The following ADD2 variants were observed in gnomAD, a reference collection of about 807,000 sequenced individuals.
ADD2 encodes beta-adducin.
In ADD2, 23 loss-of-function variants were observed where a neutral mutation model predicts 83.0. The observed-to-expected ratio is 0.28, with a 90% CI of 0.20 to 0.39. The LOEUF (loss-of-function observed/expected upper bound fraction) is 0.39, where lower values mean the gene tolerates loss of function less well. ADD2 is among the 10% of genes least tolerant of loss of function. The pLI is 1.00. For synonymous variants in ADD2, 375 were observed against 375.4 expected, an observed-to-expected ratio of 1.00 and a Z score of 0.01; for missense variants, 758 against 944.9, an observed-to-expected ratio of 0.80 and a Z score of 2.59.
intron 1 of ADD2, among the ~76,000 whole-genome samples, chr2:70,756,246 G>C (rs1466894785): frequency 6.6e-6 from 1 of 152,108 alleles, no homozygotes; most frequent in Non-Finnish European, 1.5e-5. Context: ...ATAGCATGCA[G>C]ACACAGTTCT....
chr2:70,742,417 G>A (rs6761571), intron 1 of ADD2, among the ~76,000 whole-genome samples: 2,539 of 152,126 alleles, frequency 0.017, 71 homozygotes, highest in African/African-American at 0.059. Flanking sequence ...TAAGTTGTAG[G>A]TGTTCTTAGC....
intron 1 of ADD2, among the ~76,000 whole-genome samples, chr2:70,730,447 C>G (rs930722886): frequency 3.3e-5 from 5 of 152,232 alleles, no homozygotes; most frequent in African/African-American, 1.2e-4. Context: ...CATTTACACA[C>G]ACCTGTTATG....
chr2:70,677,826 T>G lies in ADD2; in HGVS notation c.1435A>C (p.Ile479Leu). The G allele has an allele frequency of 6.2e-7, 1 of 1,614,236 alleles. No homozygotes were observed. The highest frequency in any genetic ancestry group is 8.5e-7 in the Non-Finnish European group (1 of 1,180,030). ...EKSSSGMPIR[I>L]ENPNQFVPLY... Reference sequence around the variant, plus strand: ...GGCACAAATTGGTTTGGGTTTTCGATGCGAATCGGCATGCCACTGCTGGAT... The same window carrying G: ...GGCACAAATTGGTTTGGGTTTTCGAGGCGAATCGGCATGCCACTGCTGGAT... Residue 479 changes from isoleucine (I) to leucine (L), a missense_variant, in exon 12 of 16, where the codon ATC becomes CTC. Around this residue, in one of 5 missense-constraint regions of ADD2, gnomAD observed 394 missense variants for 509.3 expected, o/e 0.77. Coordinates refer to ENST00000264436, the MANE Select transcript of ADD2 (RefSeq NM_001617.4).
At chr2:70,726,293 C>A (rs2902578) in intron 1 of ADD2, among the ~76,000 whole-genome samples, 5,474 of 151,948 alleles carry the variant, frequency 0.036, 340 homozygotes, top group African/African-American at 0.12. Context: ...ATCCAGTCAG[C>A]CACAATGCTG....
At position 70,659,940 on chromosome 2, in the gene ADD2, T is replaced by G. The variant is rs1553364744; in HGVS notation, c.*3485A>C. ...CACATTGGTTCAAATGTTACCCTTT[T>G]CTCTGGCACATCCAAGCACAGTAGC... On this transcript the variant is annotated 3_prime_UTR_variant, in exon 16 of 16. Transcript: ENST00000264436. 1 of 152,284 alleles carries G rather than the reference T, an allele frequency of 6.6e-6. No homozygotes were observed. Among genetic ancestry groups the G allele is most frequent in the African/African-American group, 2.4e-5 (1 of 41,442 alleles). The allele number at this position is 152,284 out of a possible 1,614,324, so 9.4% of individuals were successfully genotyped here. A position where few individuals can be genotyped will look rare whatever the true frequency, so the allele number is the denominator to read the frequency against.
At chr2:70,685,781 A>G (rs1553370424) in intron 9 of ADD2, among the ~76,000 whole-genome samples, 4 of 152,122 alleles carry the variant, frequency 2.6e-5, no homozygotes. Context: ...AGAGAGGGAG[A>G]GACTGCCCAC....
intron 4 of ADD2, among the ~76,000 whole-genome samples, chr2:70,703,404 G>A (rs1032512430): frequency 6.6e-6 from 1 of 152,130 alleles, no homozygotes; most frequent in Non-Finnish European, 1.5e-5. Flanking sequence ...TATGGACCAG[G>A]GTAGAGGAAA....
chr2:70,713,869 T>A (rs1672330125), intron 1 of ADD2, among the ~76,000 whole-genome samples: 1 of 151,908 alleles, frequency 6.6e-6, no homozygotes, highest in Non-Finnish European at 1.5e-5. Flanking sequence ...AACTCACAGA[T>A]GCTAATGTGA....
intron 1 of ADD2, among the ~76,000 whole-genome samples, chr2:70,755,252 A>G (rs1265598471): frequency 1.3e-5 from 2 of 151,904 alleles, no homozygotes; most frequent in Admixed American, 1.3e-4. Flanking sequence ...TCTTCGCTCC[A>G]CTCTCGGCCA....
In ADD2 at chr2:70,747,245, CA is replaced by C. The variant is rs1674257854; in HGVS notation, c.-154+20640del. On this transcript the variant is annotated intron_variant, in intron 1 of 15. Coordinates refer to ENST00000264436, the MANE Select transcript of ADD2 (RefSeq NM_001617.4). ...CAGGATGGTCTCGATCTCCTGACCT[CA>C]AGATCCACCTGTCTCGGCCTCCCAA... Among the ~76,000 whole-genome samples, 5 of 152,234 alleles carry C rather than the reference CA, an allele frequency of 3.3e-5. No individual in the cohort carries two copies. The South Asian group carries it at 1.0e-3, about 32-fold the overall frequency.
At chr2:70,675,018 T>G (rs1335928251) in intron 13 of ADD2, 193 bp from the exon 14 acceptor site, 23 of 1,348,454 alleles carry the variant, frequency 1.7e-5, no homozygotes, top group Non-Finnish European at 2.2e-5. Flanking sequence ...TACCCCTAGA[T>G]TTTGCAACTG....
chr2:70,712,463 A>T (rs1264758088), intron 2 of ADD2, among the ~76,000 whole-genome samples: 2 of 133,928 alleles, frequency 1.5e-5, no homozygotes, highest in Non-Finnish European at 3.1e-5. Flanking sequence ...AAATAAATAA[A>T]AAAAAAAAAA....
intron 1 of ADD2, among the ~76,000 whole-genome samples, chr2:70,728,523 T>C (rs1428612569): frequency 1.3e-5 from 2 of 152,202 alleles, no homozygotes; most frequent in African/African-American, 4.8e-5. Flanking sequence ...GGTGAATGGA[T>C]ACCAAATCAA....
chr2:70,666,324 C>G (rs1358781203), intron 15 of ADD2, among the ~76,000 whole-genome samples: 1 of 152,202 alleles, frequency 6.6e-6, no homozygotes, highest in Admixed American at 6.5e-5. Flanking sequence ...CTTTTCTTAT[C>G]TATCCCAGCC....
At chr2:70,674,655 G>C in intron 14 of ADD2, 23 bp downstream of exon 14, 1 of 1,599,946 alleles carries the variant, frequency 6.3e-7, no homozygotes, top group Non-Finnish European at 8.5e-7. Context: ...TTGGAAGCAA[G>C]GGTGTGCCTC....
Position 70,713,077 on chromosome 2 carries a change from C to T in ADD2, c.-46G>A. On this transcript the variant is annotated 5_prime_UTR_variant, in exon 2 of 16. Coordinates refer to ENST00000264436, the MANE Select transcript of ADD2 (RefSeq NM_001617.4). ...TACTGCTTACTTACCGGGAGGCTGG[C>T]CCAGCCCTGTCCAAGGCTCCTTCTG... is the stretch of plus-strand genomic sequence containing the variant. The T allele has an allele frequency of 2.0e-6, 2 of 985,502 alleles. No individual in the cohort carries two copies. Among genetic ancestry groups the T allele is most frequent in the Non-Finnish European group, 2.4e-6 (2 of 829,992 alleles). 61.0% of individuals were successfully genotyped at this position (985,502 alleles called of 1,614,324 possible). A position where few individuals can be genotyped will look rare whatever the true frequency, so the allele number is the denominator to read the frequency against.
chr2:70,663,720 G>A lies in ADD2; in HGVS notation c.1886C>T (p.Thr629Ile). Residue 629 changes from threonine (T) to isoleucine (I), a missense_variant, in exon 16 of 16, where the codon ACA (threonine) becomes ATA (isoleucine). By Grantham distance (89) the Thr-to-Ile change is moderately conservative (BLOSUM62 -1). Coordinates refer to ENST00000264436, the MANE Select transcript of ADD2 (RefSeq NM_001617.4). ...SKSLEEGTKK[T>I]ETSKAATTEP... Reference sequence around the variant, plus strand: ...TGTGGTGGCGGCTTTGCTTGTTTCTGTCTTCTTAGTACCTTCTAGAAAAAG... The same window carrying A: ...TGTGGTGGCGGCTTTGCTTGTTTCTATCTTCTTAGTACCTTCTAGAAAAAG... 1 of 1,613,806 alleles carries A rather than the reference G, an allele frequency of 6.2e-7. No individual in the cohort carries two copies. The highest frequency in any genetic ancestry group is 8.5e-7 in the Non-Finnish European group (1 of 1,179,982).
chr2:70,747,096 C>T (rs543514451), intron 1 of ADD2, among the ~76,000 whole-genome samples: 9 of 150,076 alleles, frequency 6.0e-5, no homozygotes, highest in Non-Finnish European at 8.9e-5. Context: ...CTGTAAGCTC[C>T]GCCTCCCAGG....
intron 1 of ADD2, among the ~76,000 whole-genome samples, chr2:70,733,870 G>C (rs1197259400): frequency 2.0e-5 from 3 of 152,142 alleles, no homozygotes; most frequent in African/African-American, 7.2e-5. Flanking sequence ...AGAAAGGATT[G>C]CCTTTCTTGT....
Sources: gnomAD v4.1 joint callset for allele counts (sites outside exome capture counted in the v4.1 genomes callset) on GRCh38, gnomAD v4.1.1 for gene constraint, gnomAD v4.1.1 regional missense constraint, MANE v1.5 for transcripts, NCBI Gene and HGNC (gene_info 2026-07-23, HGNC 2026-07-21) for gene names.